The following DIAPH1 variants were observed in gnomAD, a reference collection of about 807,000 sequenced individuals.
DIAPH1 encodes diaphanous related formin 1.
A neutral mutation model predicts 140.7 loss-of-function variants in DIAPH1; 46 were observed. The observed-to-expected ratio is 0.33, with a 90% CI of 0.26 to 0.42. The LOEUF (loss-of-function observed/expected upper bound fraction) is 0.42. Ranked by LOEUF, DIAPH1 falls within the 10% of genes least tolerant of loss-of-function variation. DIAPH1 has a pLI of 1.00. For missense variants in DIAPH1, 1,310 were observed against 1,558.7 expected, an observed-to-expected ratio of 0.84 and a Z score of 2.69; for synonymous variants, 565 against 551.6, an observed-to-expected ratio of 1.02 and a Z score of -0.34.
rs2099895754 is a variant in DIAPH1 at position 141,575,059 on chromosome 5, G to A, written c.1549C>T (p.Gln517Ter). 1 of 1,613,978 alleles carries A rather than the reference G, an allele frequency of 6.2e-7. No individual in the cohort carries two copies. Among genetic ancestry groups the A allele is most frequent in the African/African-American group, 1.3e-5 (1 of 74,878 alleles). ...SDFEQKLQDL[Q>*]GEKDALHSEK... ...GAATGCAGTGCATCTTTTTCTCCCT[G>A]AAGATCTTGAAGCTTCTGCTCAAAG... The change falls in exon 15 of 28, where the codon CAG (glutamine) becomes TAG (stop). Residue 517 changes from glutamine to a stop codon, truncating the protein, a stop_gained. Transcript: ENST00000389054. LOFTEE classifies it high-confidence loss of function.
chr5:141,588,239 C>T lies in DIAPH1; in HGVS notation c.129G>A (p.Arg43=). The T allele has an allele frequency of 1.9e-6, 3 of 1,612,376 alleles. No individual in the cohort carries two copies. The highest frequency in any genetic ancestry group is 2.5e-6 in the Non-Finnish European group (3 of 1,178,598). The part of the protein sequence containing the change: ...GGKSKKFTLK[R]LMADELERFT... ...ATGTCCTTACCTCATCTGCCATGAG[C>T]CGCTTCAGAGTCTAGGAAACAGGAA... Residue 43 remains arginine, a synonymous_variant, in exon 2 of 28, where the codon CGG becomes CGA. Coordinates refer to ENST00000389054, the MANE Select transcript of DIAPH1 (RefSeq NM_005219.5).
In DIAPH1 at chr5:141,542,474, G is replaced by A. The variant is rs184298514; in HGVS notation, c.2483-8041C>T. ...AGAAATTGTCTGTCTGTCAATTAAT[G>A]CATAAACAAACTGTGGCATATGCAA... is the stretch of plus-strand genomic sequence containing the variant. On this transcript the variant is annotated intron_variant, in intron 18 of 27. Transcript: ENST00000389054. 9.1e-4 allele frequency among the ~76,000 whole-genome samples: 138 copies of A among 151,822 alleles called. 2 individuals are homozygous for A. Among genetic ancestry groups the A allele is most frequent in the South Asian group, 6.2e-4 (3 of 4,812 alleles).
At chr5:141,593,237 A>G (rs2099898764) in intron 1 of DIAPH1, among the ~76,000 whole-genome samples, 1 of 152,224 alleles carries the variant, frequency 6.6e-6, no homozygotes, top group Admixed American at 6.5e-5. Flanking sequence ...CTGTTTAAGA[A>G]GCAGTTAGAT....
At chr5:141,594,048 G>A (rs2099898901) in intron 1 of DIAPH1, among the ~76,000 whole-genome samples, 2 of 152,134 alleles carry the variant, frequency 1.3e-5, no homozygotes, top group East Asian at 1.9e-4. Context: ...TGCCCACCTC[G>A]GCCTCCCAAA....
At chr5:141,538,574 G>A (rs563580203) in intron 18 of DIAPH1, among the ~76,000 whole-genome samples, 2 of 151,916 alleles carry the variant, frequency 1.3e-5, no homozygotes, top group Non-Finnish European at 2.9e-5. Context: ...CTGGGATTAC[G>A]GGAACCCACC....
At chr5:141,602,052 G>A (rs559075959) in intron 1 of DIAPH1, among the ~76,000 whole-genome samples, 1 of 152,230 alleles carries the variant, frequency 6.6e-6, no homozygotes, top group Non-Finnish European at 1.5e-5. Context: ...GGTAAGGTAA[G>A]GCATATGTCA....
rs201588929 is a variant in DIAPH1 at position 141,546,244 on chromosome 5, T to C, written c.2483-11811A>G. 5.3e-5 allele frequency among the ~76,000 whole-genome samples: 8 copies of C among 152,040 alleles called. No individual in the cohort carries two copies. The East Asian group carries it at 1.2e-3, about 22-fold the overall frequency. On this transcript the variant is annotated intron_variant, in intron 18 of 27. Transcript: ENST00000389054. ...TAAAACTACAAAAATTAGCCAGGCA[T>C]GGTGGCGCATGCCTGTAATCCCAGC...
chr5:141,519,854 C>G (rs1391599421), intron 27 of DIAPH1, among the ~76,000 whole-genome samples: 1 of 152,134 alleles, frequency 6.6e-6, no homozygotes, highest in Non-Finnish European at 1.5e-5. Context: ...AACTTACTCA[C>G]TTGTTATTAG....
intron 18 of DIAPH1, among the ~76,000 whole-genome samples, chr5:141,552,424 G>A (rs1255654027): frequency 6.6e-6 from 1 of 152,190 alleles, no homozygotes; most frequent in Non-Finnish European, 1.5e-5. Flanking sequence ...AGAAGCAGAG[G>A]TCAGAGAAAG....
chr5:141,601,191 C>A (rs191993759), intron 1 of DIAPH1, among the ~76,000 whole-genome samples: 1 of 148,114 alleles, frequency 6.8e-6, no homozygotes, highest in Admixed American at 6.8e-5. Flanking sequence ...CAAACCTGCA[C>A]GTTGTACACA....
At chr5:141,602,447 C>A (rs1324998577) in intron 1 of DIAPH1, among the ~76,000 whole-genome samples, 2 of 152,130 alleles carry the variant, frequency 1.3e-5, no homozygotes, top group Non-Finnish European at 2.9e-5. Flanking sequence ...GAACTCCTGA[C>A]CTCGTGATCC....
rs928646746 is a variant in DIAPH1, at chr5:141,515,433, A to G, written c.*1418T>C. 1 of 152,258 alleles carries G rather than the reference A, an allele frequency of 6.6e-6. No homozygotes were observed. The highest frequency in any genetic ancestry group is 1.5e-5 in the Non-Finnish European group (1 of 68,064). 9.4% of individuals were successfully genotyped at this position (152,258 alleles called of 1,614,324 possible). A position where few individuals can be genotyped will look rare whatever the true frequency, so the allele number is the denominator to read the frequency against. On this transcript the variant is annotated 3_prime_UTR_variant, in exon 28 of 28. Transcript: ENST00000389054. The stretch of plus-strand genomic sequence containing the variant: ...ATTCTGGGCCAAGCCCAAGAGTGCC[A>G]TTCTTTCTTCCTAGCTGGGGATGGA...
chr5:141,581,212 C>T (rs2099896702), intron 7 of DIAPH1, among the ~76,000 whole-genome samples: 1 of 152,076 alleles, frequency 6.6e-6, no homozygotes, highest in South Asian at 2.1e-4. Context: ...GATGCATCTA[C>T]AAGATAAGGA....
intron 18 of DIAPH1, chr5:141,560,617 C>T (rs1015516852): frequency 1.1e-5 from 2 of 178,868 alleles, no homozygotes; most frequent in African/African-American, 2.4e-5. Context: ...AATGAGAAGG[C>T]AAAGTACCTT....
At chr5:141,566,573 T>TG (rs1028314112) in intron 18 of DIAPH1, among the ~76,000 whole-genome samples, 5 of 152,134 alleles carry the variant, frequency 3.3e-5, no homozygotes, top group Non-Finnish European at 7.4e-5. Flanking sequence ...CCAAGCCCAC[T>TG]GGGGTGAGGT....
At chr5:141,603,481 C>G (rs949320965) in intron 1 of DIAPH1, among the ~76,000 whole-genome samples, 14 of 152,070 alleles carry the variant, frequency 9.2e-5, no homozygotes, top group African/African-American at 3.4e-4. Context: ...ATCAATCTAC[C>G]CCTGCCTTCC....
At chr5:141,595,121 A>G (rs1281816362) in intron 1 of DIAPH1, among the ~76,000 whole-genome samples, 2 of 152,160 alleles carry the variant, frequency 1.3e-5, no homozygotes, top group Non-Finnish European at 2.9e-5. Flanking sequence ...AGAAAAGGCA[A>G]AACTATGGAA....
At chr5:141,591,238 C>T (rs970735729) in intron 1 of DIAPH1, among the ~76,000 whole-genome samples, 1 of 152,090 alleles carries the variant, frequency 6.6e-6, no homozygotes, top group Non-Finnish European at 1.5e-5. Context: ...AGAATGATCC[C>T]TCCTCTAAAT....
At chr5:141,543,937 C>T (rs1179468381) in intron 18 of DIAPH1, among the ~76,000 whole-genome samples, 1 of 152,204 alleles carries the variant, frequency 6.6e-6, no homozygotes, top group African/African-American at 2.4e-5. Context: ...AAACCTAAAA[C>T]TACCAAACAT....
Sources: gnomAD v4.1 joint callset for allele counts (sites outside exome capture counted in the v4.1 genomes callset) on GRCh38, gnomAD v4.1.1 for gene constraint, MANE v1.5 for transcripts, NCBI Gene and HGNC (gene_info 2026-07-23, HGNC 2026-07-21) for gene names.